Variants in PTPRM observed in about 807,000 individuals in gnomAD.
PTPRM encodes protein tyrosine phosphatase receptor type M.
Under a neutral mutation model 186.7 loss-of-function variants are expected in PTPRM, and 47 were observed. The observed-to-expected ratio is 0.25, with a 90% CI of 0.20 to 0.32. The LOEUF (loss-of-function observed/expected upper bound fraction) is 0.32, where lower values mean the gene tolerates loss of function less well. PTPRM is among the 10% of genes least tolerant of loss of function. PTPRM has a pLI of 1.00. For missense variants in PTPRM, 1,494 were observed against 1,865.0 expected, an observed-to-expected ratio of 0.80 and a Z score of 3.66; for synonymous variants, 668 against 674.9, an observed-to-expected ratio of 0.99 and a Z score of 0.16.
intron 7 of PTPRM, among the ~76,000 whole-genome samples, chr18:7,993,013 C>T (rs2083342101): frequency 6.6e-6 from 1 of 151,554 alleles, no homozygotes; most frequent in Admixed American, 6.6e-5. Context: ...TACCACCACA[C>T]AATTAAAAAA....
chr18:8,304,863 A>G (rs1480690447), intron 20 of PTPRM, among the ~76,000 whole-genome samples: 2 of 145,116 alleles, frequency 1.4e-5, no homozygotes, highest in Non-Finnish European at 1.5e-5. Context: ...ATGAGAATAG[A>G]TGTGTTATTC....
chr18:7,862,215 A>G (rs2047424393), intron 2 of PTPRM, among the ~76,000 whole-genome samples: 1 of 152,224 alleles, frequency 6.6e-6, no homozygotes, highest in Non-Finnish European at 1.5e-5. Context: ...GCTGTATAAT[A>G]GTAGGTGTCT....
intron 19 of PTPRM, among the ~76,000 whole-genome samples, chr18:8,263,296 A>C (rs2094655699): frequency 6.6e-6 from 1 of 151,998 alleles, no homozygotes; most frequent in Non-Finnish European, 1.5e-5. Context: ...TTTAGTAGAG[A>C]CAGGGTTTCA....
rs74903011 is a variant in PTPRM, at chr18:7,888,090, G to A, written c.197-16G>A. On this transcript the variant is annotated splice_polypyrimidine_tract_variant and intron_variant, in intron 2 of 32. Coordinates refer to ENST00000580170, the MANE Select transcript of PTPRM (RefSeq NM_001105244.2). ...AGTGTTTCAGGGTATGACTCTCCTT[G>A]ATTTTGTTTTTGCAGGTTCTTTCAT... 46,864 of 1,613,954 alleles carry A rather than the reference G, an allele frequency of 0.029. 790 individuals are homozygous for A. The highest frequency in any genetic ancestry group is 0.044 in the Middle Eastern group (264 of 6,062).
chr18:8,090,750 G>C (rs778815778), intron 11 of PTPRM, among the ~76,000 whole-genome samples: 4 of 151,862 alleles, frequency 2.6e-5, no homozygotes, highest in Non-Finnish European at 5.9e-5. Flanking sequence ...ACGTGCTACT[G>C]CACCCAGCTA....
At chr18:7,697,441 A>C (rs528410522) in intron 1 of PTPRM, among the ~76,000 whole-genome samples, 3 of 152,326 alleles carry the variant, frequency 2.0e-5, no homozygotes, top group East Asian at 1.9e-4. Flanking sequence ...TTGAGGACCC[A>C]CTGTTCAGTC....
chr18:8,096,591 A>T (rs907245098), intron 11 of PTPRM, among the ~76,000 whole-genome samples: 5 of 152,360 alleles, frequency 3.3e-5, no homozygotes, highest in Admixed American at 2.6e-4. Flanking sequence ...AATAGTTTCA[A>T]TTATAAACTC....
intron 7 of PTPRM, among the ~76,000 whole-genome samples, chr18:7,990,278 T>C (rs2083195412): frequency 6.6e-6 from 1 of 152,168 alleles, no homozygotes; most frequent in South Asian, 2.1e-4. Flanking sequence ...TGCACCAATG[T>C]CTTTGTATTT....
At position 8,085,702 on chromosome 18, in the gene PTPRM, C is replaced by G. The variant is rs763522842; in HGVS notation, c.1583C>G (p.Pro528Arg). 5 of 1,610,240 alleles carry G rather than the reference C, an allele frequency of 3.1e-6. No individual in the cohort carries two copies. In the African/African-American group the frequency reaches 6.7e-5, roughly 22 times the overall value. ...ITYKAVSSFD[P>R]EIDLSNQSGR... ...TACAAAGCAGTCAGTTCCTTTGACC[C>G]AGAAATAGATTTATCCAATCAGAGT... Residue 528 changes from proline (P) to arginine (R), a missense_variant, in exon 10 of 33, where the codon CCA becomes CGA. By Grantham distance (103) the Pro-to-Arg change is moderately radical (BLOSUM62 -2). This residue lies in a region of PTPRM where 1,107 missense variants were observed against 1,350.2 expected (regional missense o/e 0.82). Coordinates refer to ENST00000580170, the MANE Select transcript of PTPRM (RefSeq NM_001105244.2).
At chr18:8,384,749 C>T in intron 30 of PTPRM, 63 bp downstream of exon 30, 1 of 1,587,810 alleles carries the variant, frequency 6.3e-7, no homozygotes, top group African/African-American at 1.3e-5. Flanking sequence ...TCACTGAATA[C>T]TTGGAGCACT....
intron 2 of PTPRM, among the ~76,000 whole-genome samples, chr18:7,817,069 G>A (rs1173401479): frequency 6.6e-6 from 1 of 151,526 alleles, no homozygotes; most frequent in African/African-American, 2.4e-5. Flanking sequence ...CTGCCTCGTG[G>A]GTTCAAGTGA....
intron 7 of PTPRM, among the ~76,000 whole-genome samples, chr18:8,036,555 A>G (rs1444534567): frequency 1.3e-5 from 2 of 152,204 alleles, no homozygotes; most frequent in Non-Finnish European, 2.9e-5. Context: ...CCAAGTGACT[A>G]TTATTTTGAC....
intron 14 of PTPRM, among the ~76,000 whole-genome samples, chr18:8,200,476 CT>C (rs576777973): frequency 1.6e-4 from 24 of 152,348 alleles, no homozygotes; most frequent in African/African-American, 5.8e-4. Context: ...AGGGCTGGCC[CT>C]GTGAGGCCTT....
chr18:7,945,228 C>A (rs983409544), intron 5 of PTPRM, among the ~76,000 whole-genome samples: 9 of 149,518 alleles, frequency 6.0e-5, no homozygotes, highest in African/African-American at 2.2e-4. Context: ...CTGAGGCGGG[C>A]AGATCATGAG....
At chr18:8,115,750 G>T (rs2145739002) in intron 13 of PTPRM, among the ~76,000 whole-genome samples, 1 of 152,232 alleles carries the variant, frequency 6.6e-6, no homozygotes, top group East Asian at 1.9e-4. Flanking sequence ...ATAACTTTTT[G>T]TTGTTGTTTA....
At chr18:7,682,634 T>C (rs1280932102) in intron 1 of PTPRM, among the ~76,000 whole-genome samples, 10 of 152,250 alleles carry the variant, frequency 6.6e-5, no homozygotes, top group Non-Finnish European at 1.5e-5. Flanking sequence ...CATTGTGTTG[T>C]AACCATAGGG....
At chr18:7,675,153 T>TAATGTAATGTAATAA (rs2039305647) in intron 1 of PTPRM, among the ~76,000 whole-genome samples, 1 of 152,244 alleles carries the variant, frequency 6.6e-6, no homozygotes, top group African/African-American at 2.4e-5. Flanking sequence ...ATAATCCTGC[T>TAATGTAATGTAATAA]TCGTAAATAT....
intron 2 of PTPRM, among the ~76,000 whole-genome samples, chr18:7,778,692 C>T (rs2042710979): frequency 6.6e-6 from 1 of 152,086 alleles, no homozygotes; most frequent in African/African-American, 2.4e-5. Context: ...GTTGGCCAGG[C>T]TGGTCTCGAC....
chr18:8,076,659 T>C (rs559633244), intron 9 of PTPRM, 95 bp downstream of exon 9: 4 of 611,528 alleles, frequency 6.5e-6, no homozygotes, highest in Non-Finnish European at 5.6e-6. Context: ...ACTTACATAA[T>C]ATATTTTAAG....
Sources: gnomAD v4.1 joint callset for allele counts (sites outside exome capture counted in the v4.1 genomes callset) on GRCh38, gnomAD v4.1.1 for gene constraint, gnomAD v4.1.1 regional missense constraint, MANE v1.5 for transcripts, NCBI Gene and HGNC (gene_info 2026-07-23, HGNC 2026-07-21) for gene names.